NBDY: variants seen among roughly 807,000 people sequenced by gnomAD.
NBDY encodes the protein P-body dissociating protein.
chrX:56,817,989 T>C lies in NBDY; in HGVS notation c.*836T>C, dbSNP rs1166188553. On this transcript the variant is annotated 3_prime_UTR_variant, in exon 3 of 3. Coordinates refer to ENST00000374922, the MANE Select transcript of NBDY (RefSeq NM_001348129.2). ...TCCTAATTAAAAACAGTAATAAATA[T>C]TATGGTGAAAAAATACAAGTAAAAT... is the stretch of plus-strand genomic sequence containing the variant. The C allele has an allele frequency of 9.0e-6, 1 of 111,560 alleles. No homozygotes were observed. Among genetic ancestry groups the C allele is most frequent in the African/African-American group, 3.2e-5 (1 of 30,802 alleles). 9.2% of individuals were successfully genotyped at this position (111,560 alleles called of 1,213,427 possible).
Position 56,818,071 on chromosome X carries a change from A to T in NBDY, c.*918A>T, listed in dbSNP as rs1169678672. On this transcript the variant is annotated 3_prime_UTR_variant, in exon 3 of 3. Coordinates refer to ENST00000374922, the MANE Select transcript of NBDY (RefSeq NM_001348129.2). The stretch of plus-strand genomic sequence containing the variant: ...TCATATAGTTCATAAATGTTTCAGG[A>T]ATTACAAGGTTATAGAAAAAAATTT... The T allele has an allele frequency of 9.0e-6, 1 of 111,576 alleles. No homozygotes were observed. Among genetic ancestry groups the T allele is most frequent in the Non-Finnish European group, 1.9e-5 (1 of 53,049 alleles). The allele number at this position is 111,576 out of a possible 1,213,427, so 9.2% of individuals were successfully genotyped here.
chrX:56,743,969 A>G (rs2069544544), intron 2 of NBDY, among the ~76,000 whole-genome samples: 1 of 110,024 alleles, frequency 9.1e-6, no homozygotes, highest in African/African-American at 3.3e-5. Context: ...CTTCCCTCTT[A>G]GTACTGCTTT....
chrX:56,781,426 C>A (rs2069689393), intron 2 of NBDY, among the ~76,000 whole-genome samples: 1 of 111,821 alleles, frequency 8.9e-6, no homozygotes. Context: ...CCCAACAGAT[C>A]TTTGTGCAGA....
intron 2 of NBDY, among the ~76,000 whole-genome samples, chrX:56,813,336 T>G (rs2069896231): frequency 9.0e-6 from 1 of 110,868 alleles, no homozygotes; most frequent in Non-Finnish European, 1.9e-5. Flanking sequence ...CTTGGCAAGT[T>G]GTGTCCTGTT....
intron 2 of NBDY, among the ~76,000 whole-genome samples, chrX:56,789,813 T>C (rs1346728509): frequency 1.8e-5 from 2 of 111,600 alleles, no homozygotes; most frequent in Admixed American, 9.4e-5. Context: ...AACGTGGTGG[T>C]TCACCAGTTA....
At position 56,811,756 on chromosome X, in the gene NBDY, G is replaced by A. The variant is rs143810531; in HGVS notation, c.*167-5564G>A. Among the ~76,000 whole-genome samples, 430 of 111,753 alleles carry A rather than the reference G, an allele frequency of 3.8e-3. 3 individuals are homozygous for A. Among genetic ancestry groups the A allele is most frequent in the African/African-American group, 0.013 (404 of 30,731 alleles). On this transcript the variant is annotated intron_variant, in intron 2 of 2. Coordinates refer to ENST00000374922, the MANE Select transcript of NBDY (RefSeq NM_001348129.2). Reference sequence around the variant, plus strand: ...CCCTGGCTTCAGCCTCCTTTCCAAGGGAGTGAATGGTTTTGTCTGGCTGGA... The same window carrying A: ...CCCTGGCTTCAGCCTCCTTTCCAAGAGAGTGAATGGTTTTGTCTGGCTGGA...
intron 2 of NBDY, among the ~76,000 whole-genome samples, chrX:56,744,946 A>AT (rs1170267024): frequency 1.8e-5 from 2 of 111,496 alleles, no homozygotes; most frequent in East Asian, 5.6e-4. Context: ...TCAACACATG[A>AT]TTTTTTTCTT....
At chrX:56,735,146 C>A (rs2069480791) in intron 2 of NBDY, among the ~76,000 whole-genome samples, 1 of 112,185 alleles carries the variant, frequency 8.9e-6, no homozygotes, top group South Asian at 3.7e-4. Context: ...CCCTCTCTTT[C>A]AAATGAAAGG....
intron 2 of NBDY, among the ~76,000 whole-genome samples, chrX:56,745,085 T>A (rs1263298223): frequency 9.0e-6 from 1 of 111,351 alleles, no homozygotes; most frequent in Admixed American, 9.6e-5. Context: ...AAATAAGGAT[T>A]ACGTGAACAT....
At chrX:56,799,705 C>T (rs1336881545) in intron 2 of NBDY, among the ~76,000 whole-genome samples, 1 of 113,116 alleles carries the variant, frequency 8.8e-6, no homozygotes, top group Non-Finnish European at 1.9e-5. Flanking sequence ...TTTCCTTCCT[C>T]CACTTTGCCT....
chrX:56,801,524 C>A, intron 2 of NBDY, among the ~76,000 whole-genome samples: 1 of 110,985 alleles, frequency 9.0e-6, no homozygotes, highest in East Asian at 2.8e-4. Flanking sequence ...CTTAAAGGAG[C>A]AGATATGAAG....
intron 2 of NBDY, among the ~76,000 whole-genome samples, chrX:56,759,072 C>A (rs1351461352): frequency 1.8e-5 from 2 of 112,109 alleles, no homozygotes; most frequent in African/African-American, 6.5e-5. Flanking sequence ...TGTGTCTCCA[C>A]TGAGGGATAC....
At chrX:56,762,173 CTCTA>C (rs2069640522) in intron 2 of NBDY, among the ~76,000 whole-genome samples, 2 of 111,702 alleles carry the variant, frequency 1.8e-5, no homozygotes, top group Admixed American at 9.4e-5. Context: ...CACCCATGAA[CTCTA>C]TCCTTCAGGA....
intron 2 of NBDY, among the ~76,000 whole-genome samples, chrX:56,783,767 G>T (rs1354419517): frequency 8.9e-6 from 1 of 112,593 alleles, no homozygotes; most frequent in African/African-American, 3.2e-5. Flanking sequence ...TGACAGTCAC[G>T]TCTTTTCCTT....
chrX:56,802,232 C>T (rs7889214), intron 2 of NBDY, among the ~76,000 whole-genome samples: 4,124 of 112,008 alleles, frequency 0.037, 168 homozygotes, highest in African/African-American at 0.13. Context: ...AGAATGAATG[C>T]GGGAAGTCTG....
intron 2 of NBDY, among the ~76,000 whole-genome samples, chrX:56,781,129 T>G (rs2069685608): frequency 9.0e-6 from 1 of 111,527 alleles, no homozygotes; most frequent in Non-Finnish European, 1.9e-5. Context: ...TGTTTTTACC[T>G]TTGAACATCA....
At chrX:56,803,850 C>A (rs2069836440) in intron 2 of NBDY, among the ~76,000 whole-genome samples, 1 of 112,181 alleles carries the variant, frequency 8.9e-6, no homozygotes, top group Non-Finnish European at 1.9e-5. Context: ...AAGAAACCGG[C>A]CAAGGAGCGC....
chrX:56,766,171 G>A (rs1271977401), intron 2 of NBDY, among the ~76,000 whole-genome samples: 1 of 112,351 alleles, frequency 8.9e-6, no homozygotes, highest in Admixed American at 9.4e-5. Context: ...GCCAGTAGGA[G>A]CCTTGGCAAG....
intron 2 of NBDY, chrX:56,737,594 T>A (rs995047475): frequency 1.5e-5 from 8 of 537,409 alleles, no homozygotes; most frequent in African/African-American, 2.4e-5. Flanking sequence ...CTGCTTTAAT[T>A]TTTTTTAATC....
Sources: gnomAD v4.1 joint callset for allele counts (sites outside exome capture counted in the v4.1 genomes callset) on GRCh38, gnomAD v4.1.1 for gene constraint, MANE v1.5 for transcripts, NCBI Gene and HGNC (gene_info 2026-07-23, HGNC 2026-07-21) for gene names.